LRP1B: variants seen among roughly 807,000 people sequenced by gnomAD.
The protein encoded by LRP1B is low-density lipoprotein receptor-related protein 1B.
Under a neutral mutation model 556.6 loss-of-function variants are expected in LRP1B, and 217 were observed. The ratio of observed to expected loss-of-function variants is 0.39; its 90% confidence interval spans 0.35 to 0.44. The LOEUF (loss-of-function observed/expected upper bound fraction) is 0.44. Among genes scored for constraint, LRP1B ranks in the 20% least tolerant of loss-of-function variants. LRP1B has a pLI of 1.00. For missense variants in LRP1B, 5,053 were observed against 5,620.8 expected (o/e 0.90, Z 3.23); for synonymous variants, 2,047 against 1,865.8 (o/e 1.10, Z -2.50).
chr2:140,730,718 C>T (rs1687748866), intron 35 of LRP1B, among the ~76,000 whole-genome samples: 2 of 152,060 alleles, frequency 1.3e-5, no homozygotes, highest in Admixed American at 1.3e-4. Context: ...CGCCACATGC[C>T]CAGCTAATTT....
intron 31 of LRP1B, among the ~76,000 whole-genome samples, chr2:140,824,268 A>C (rs925745150): frequency 1.3e-5 from 2 of 152,102 alleles, no homozygotes; most frequent in Non-Finnish European, 2.9e-5. Flanking sequence ...TAAAAAAGTT[A>C]CTATGCACTG....
At chr2:140,973,428 G>T (rs151329087) in intron 18 of LRP1B, among the ~76,000 whole-genome samples, 1 of 152,030 alleles carries the variant, frequency 6.6e-6, no homozygotes, top group Admixed American at 6.6e-5. Flanking sequence ...GAGGATGGGG[G>T]GGTAGAGAGG....
At chr2:140,315,757 C>A (rs984435134) in intron 82 of LRP1B, among the ~76,000 whole-genome samples, 2 of 152,252 alleles carry the variant, frequency 1.3e-5, no homozygotes, top group African/African-American at 2.4e-5. Flanking sequence ...CATATGCACA[C>A]ACATACACAC....
chr2:140,569,149 G>C (rs537904610), intron 43 of LRP1B, among the ~76,000 whole-genome samples: 5 of 151,782 alleles, frequency 3.3e-5, no homozygotes, highest in Admixed American at 3.3e-4. Context: ...ATAATAAGAG[G>C]TGGATAAAGG....
At chr2:141,365,761 C>G (rs1268949779) in intron 3 of LRP1B, among the ~76,000 whole-genome samples, 4 of 150,580 alleles carry the variant, frequency 2.7e-5, no homozygotes, top group African/African-American at 7.4e-5. Context: ...CAAGATCCGC[C>G]TCCCGGGTTC....
At position 140,886,303 on chromosome 2, in the gene LRP1B, G is replaced by A. The variant is rs1219622803; in HGVS notation, c.3799C>T (p.Arg1267Cys). ...PFEAFIIFSI[R>C]HEIRRIDLHK... is the part of the protein sequence containing the mutation. The stretch of plus-strand genomic sequence containing the variant: ...AGATCAATCCTTCTGATCTCATGAC[G>A]AATAGAAAAGATGATGAATGCTTCA... The change falls in exon 24 of 91, where the codon CGT becomes TGT. Residue 1267 changes from arginine to cysteine, a missense_variant. This residue lies in a region of LRP1B where 3,619 missense variants were observed against 3,931.9 expected (regional missense o/e 0.92). Transcript: ENST00000389484. 2 of 1,600,206 alleles carry A rather than the reference G, an allele frequency of 1.2e-6. No homozygotes were observed. Among genetic ancestry groups the A allele is most frequent in the Admixed American group, 1.7e-5 (1 of 58,910 alleles).
intron 2 of LRP1B, among the ~76,000 whole-genome samples, chr2:141,785,116 A>G (rs912860747): frequency 1.3e-5 from 2 of 151,954 alleles, no homozygotes; most frequent in African/African-American, 4.8e-5. Flanking sequence ...GCAGAGACAC[A>G]TGACTAGTCT....
At chr2:140,599,234 G>GTA (rs1217865120) in intron 42 of LRP1B, among the ~76,000 whole-genome samples, 1 of 151,912 alleles carries the variant, frequency 6.6e-6, no homozygotes, top group Non-Finnish European at 1.5e-5. Flanking sequence ...CTTATCCTAA[G>GTA]TATACTTATT....
At chr2:141,642,446 T>C (rs1377808820) in intron 2 of LRP1B, among the ~76,000 whole-genome samples, 1 of 151,996 alleles carries the variant, frequency 6.6e-6, no homozygotes, top group East Asian at 1.9e-4. Context: ...TAGGAAAAAG[T>C]AAAACATAAA....
At chr2:141,145,048 T>A (rs1015080403) in intron 7 of LRP1B, among the ~76,000 whole-genome samples, 1 of 152,202 alleles carries the variant, frequency 6.6e-6, no homozygotes, top group Non-Finnish European at 1.5e-5. Flanking sequence ...CAAGCTCTTT[T>A]CTAACTTATA....
intron 7 of LRP1B, among the ~76,000 whole-genome samples, chr2:141,169,066 A>G (rs1485696715): frequency 6.6e-6 from 1 of 151,808 alleles, no homozygotes; most frequent in African/African-American, 2.4e-5. Context: ...TGGGTGAATC[A>G]CCTGAGGTCA....
chr2:141,297,215 T>G (rs1382413271), intron 3 of LRP1B, among the ~76,000 whole-genome samples: 1 of 152,210 alleles, frequency 6.6e-6, no homozygotes, highest in East Asian at 1.9e-4. Flanking sequence ...CCTTTGGGTA[T>G]ATACCTAGTA....
At chr2:141,610,358 T>G in intron 2 of LRP1B, among the ~76,000 whole-genome samples, 1 of 150,788 alleles carries the variant, frequency 6.6e-6, no homozygotes, top group Middle Eastern at 3.2e-3. Flanking sequence ...AGAAACCCTA[T>G]TTCCATTACT....
intron 83 of LRP1B, among the ~76,000 whole-genome samples, chr2:140,300,517 G>T (rs1573754818): frequency 6.6e-6 from 1 of 152,298 alleles, no homozygotes; most frequent in East Asian, 1.9e-4. Context: ...GGGAGCTGGG[G>T]AGTTGACAGC....
chr2:141,572,069 A>G (rs1294392787), intron 2 of LRP1B, among the ~76,000 whole-genome samples: 1 of 152,158 alleles, frequency 6.6e-6, no homozygotes, highest in African/African-American at 2.4e-5. Flanking sequence ...CAACTTCAGG[A>G]AATGCAGAGA....
chr2:140,656,739 C>G (rs191779875), intron 41 of LRP1B, among the ~76,000 whole-genome samples: 1 of 152,128 alleles, frequency 6.6e-6, no homozygotes, highest in Admixed American at 6.6e-5. Context: ...GGTTCACTTT[C>G]AGGGAATTTT....
intron 3 of LRP1B, among the ~76,000 whole-genome samples, chr2:141,469,884 A>G (rs892222101): frequency 3.2e-4 from 49 of 152,202 alleles, no homozygotes; most frequent in African/African-American, 1.2e-3. Context: ...AATATAGTAC[A>G]ATAAGGTATT....
intron 3 of LRP1B, among the ~76,000 whole-genome samples, chr2:141,315,254 T>G (rs1221727250): frequency 3.1e-5 from 3 of 96,128 alleles, no homozygotes; most frequent in African/African-American, 1.3e-4. Context: ...TGATTGTAAT[T>G]TTTTTTTTTT....
chr2:141,360,283 A>T (rs1020199929), intron 3 of LRP1B, among the ~76,000 whole-genome samples: 1 of 152,256 alleles, frequency 6.6e-6, no homozygotes, highest in African/African-American at 2.4e-5. Context: ...GGAAGAGGAC[A>T]AATATCCAAG....
Sources: allele counts gnomAD v4.1 joint callset (sites outside exome capture counted in the v4.1 genomes callset), GRCh38; gene constraint gnomAD v4.1.1; regional missense constraint gnomAD v4.1.1; transcripts MANE v1.5; gene names NCBI Gene and HGNC (gene_info 2026-07-23, HGNC 2026-07-21).